The following SIPA1L3 variants were observed in gnomAD, a reference collection of about 807,000 sequenced individuals.
The protein encoded by SIPA1L3 is signal-induced proliferation-associated 1-like protein 3.
In SIPA1L3, 59 loss-of-function variants were observed where a neutral mutation model predicts 150.1. The ratio of observed to expected loss-of-function variants is 0.39; its 90% CI spans 0.32 to 0.49. The LOEUF (loss-of-function observed/expected upper bound fraction) is 0.49, where lower values mean the gene tolerates loss of function less well. Ranked by LOEUF, SIPA1L3 falls within the 20% of genes least tolerant of loss-of-function variation. SIPA1L3 has a pLI of 0.86. For missense variants in SIPA1L3, 2,211 were observed against 2,489.5 expected (o/e 0.89, Z 2.38); for synonymous variants, 1,070 against 1,077.6 (o/e 0.99, Z 0.14).
chr19:38,084,263 G>A (rs995246363), intron 3 of SIPA1L3, among the ~76,000 whole-genome samples: 2 of 152,136 alleles, frequency 1.3e-5, no homozygotes, highest in African/African-American at 4.8e-5. Flanking sequence ...CAGACCTCTT[G>A]TCAAGTCAAC....
intron 14 of SIPA1L3, 52 bp downstream of exon 14, chr19:38,162,423 G>C (rs1438143909): frequency 7.3e-7 from 1 of 1,368,126 alleles, no homozygotes; most frequent in Non-Finnish European, 1.0e-6. Context: ...CTGCCTGGGT[G>C]TGGCCTCTGA....
At chr19:37,938,918 C>T (rs576025477) in intron 1 of SIPA1L3, among the ~76,000 whole-genome samples, 19 of 152,194 alleles carry the variant, frequency 1.2e-4, no homozygotes, top group Admixed American at 5.2e-4. Context: ...CCACAGTGCC[C>T]GGCCACTTTT....
chr19:38,146,103 A>G (rs1045023189), intron 12 of SIPA1L3, among the ~76,000 whole-genome samples: 1 of 152,216 alleles, frequency 6.6e-6, no homozygotes, highest in Non-Finnish European at 1.5e-5. Context: ...GCCTCAAGCC[A>G]TCCTCCCACC....
intron 1 of SIPA1L3, among the ~76,000 whole-genome samples, chr19:37,923,429 A>G (rs1599797196): frequency 6.6e-6 from 1 of 152,362 alleles, no homozygotes; most frequent in East Asian, 1.9e-4. Flanking sequence ...GGGCAGTTGT[A>G]ACACAATGGC....
At chr19:38,142,847 G>A (rs1971623350) in intron 12 of SIPA1L3, 137 bp downstream of exon 12, 1 of 1,104,114 alleles carries the variant, frequency 9.1e-7, no homozygotes, top group Non-Finnish European at 1.3e-6. Flanking sequence ...CCTCAGAGGA[G>A]CCCCATGGGG....
chr19:38,041,273 ATTTTTT>A (rs35807588), intron 2 of SIPA1L3, among the ~76,000 whole-genome samples: 2 of 72,520 alleles, frequency 2.8e-5, no homozygotes, highest in African/African-American at 6.1e-5. Context: ...CGCTCAGCTA[ATTTTTT>A]TTTTTTTTTT....
At chr19:37,980,076 C>A (rs1352293079) in intron 1 of SIPA1L3, among the ~76,000 whole-genome samples, 1 of 152,218 alleles carries the variant, frequency 6.6e-6, no homozygotes, top group Non-Finnish European at 1.5e-5. Context: ...CAGGCCTGCT[C>A]TCACAGGCCT....
chr19:38,171,392 T>TC (rs1972324918), intron 15 of SIPA1L3, among the ~76,000 whole-genome samples: 1 of 146,290 alleles, frequency 6.8e-6, no homozygotes, highest in East Asian at 2.0e-4. Context: ...AAACTTTTTT[T>TC]TTTTTTTTTT....
In SIPA1L3 at chr19:38,018,156, C is replaced by CTTTTTT. The variant is rs34874664; in HGVS notation, c.-378-10912_-378-10907dup. ...TCAGTCTGGATAGCCCTTTGAGTGT[C>CTTTTTT]TTTTTTTTTTTTTTTTTTTTTTTTT... On this transcript the variant is annotated intron_variant, in intron 1 of 21. Coordinates refer to ENST00000222345, the MANE Select transcript of SIPA1L3 (RefSeq NM_015073.3). Among the ~76,000 whole-genome samples, 28 of 61,332 alleles carry CTTTTTT rather than the reference C, an allele frequency of 4.6e-4. 6 individuals are homozygous for CTTTTTT. The highest frequency in any genetic ancestry group is 2.0e-3 in the African/African-American group (27 of 13,676). 40.2% of individuals were successfully genotyped at this position (61,332 alleles called of 152,430 possible).
chr19:38,161,305 C>T lies in SIPA1L3; in HGVS notation c.3662-948C>T, dbSNP rs111351549. ...GCAGTGAGCTGAGATCACACCACTG[C>T]GCTCTAGCCTGGGTGACAGAGCAAG... On this transcript the variant is annotated intron_variant, in intron 13 of 21. Coordinates refer to ENST00000222345, the MANE Select transcript of SIPA1L3 (RefSeq NM_015073.3). 2.4e-4 allele frequency among the ~76,000 whole-genome samples: 35 copies of T among 144,522 alleles called. No individual in the cohort carries two copies. The East Asian group carries it at 3.4e-3, about 14-fold the overall frequency. The allele number at this position is 144,522 out of a possible 152,430, so 94.8% of individuals were successfully genotyped here. A position where few individuals can be genotyped will look rare whatever the true frequency, so the allele number is the denominator to read the frequency against.
intron 18 of SIPA1L3, among the ~76,000 whole-genome samples, chr19:38,197,094 T>A (rs1972974091): frequency 1.3e-5 from 2 of 152,056 alleles, no homozygotes; most frequent in Non-Finnish European, 2.9e-5. Context: ...GGGTCTCAGT[T>A]TTCCTCTTCC....
chr19:38,159,411 C>A (rs1339017029), intron 13 of SIPA1L3, among the ~76,000 whole-genome samples: 1 of 152,206 alleles, frequency 6.6e-6, no homozygotes, highest in Non-Finnish European at 1.5e-5. Context: ...GCAGTGACCT[C>A]CTCCCCCTCA....
intron 1 of SIPA1L3, among the ~76,000 whole-genome samples, chr19:37,954,382 T>C (rs1413881522): frequency 6.6e-6 from 1 of 152,148 alleles, no homozygotes; most frequent in East Asian, 1.9e-4. Flanking sequence ...CACTAAAGGC[T>C]ACTTCCCCGA....
intron 6 of SIPA1L3, 26 bp downstream of exon 6, chr19:38,101,252 A>G (rs1261962129): frequency 3.4e-6 from 5 of 1,478,166 alleles, no homozygotes; most frequent in Non-Finnish European, 4.5e-6. Flanking sequence ...GTTAGATCAC[A>G]GTGAGCCACC....
intron 6 of SIPA1L3, among the ~76,000 whole-genome samples, chr19:38,105,074 G>C (rs1273700198): frequency 1.3e-5 from 2 of 151,908 alleles, no homozygotes; most frequent in Admixed American, 1.3e-4. Flanking sequence ...AACAGATCTG[G>C]AGGCCAGGCA....
At chr19:38,088,324 A>C (rs764696711) in intron 3 of SIPA1L3, among the ~76,000 whole-genome samples, 3 of 152,258 alleles carry the variant, frequency 2.0e-5, no homozygotes, top group African/African-American at 4.8e-5. Flanking sequence ...ATCCGCAGTT[A>C]AACCAAGTGG....
chr19:38,192,323 C>A lies in SIPA1L3; in HGVS notation c.4596+13C>A. On this transcript the variant is annotated intron_variant, in intron 17 of 21. Transcript: ENST00000222345. ...GAGAGACACGGGAGTACGTAGGGCC[C>A]TGTCCCCCGCTCCCGACCCCCAGCT... 1.9e-6 allele frequency: 3 copies of A among 1,576,252 alleles called. No individual in the cohort carries two copies. Among genetic ancestry groups the A allele is most frequent in the Middle Eastern group, 3.5e-4 (2 of 5,638 alleles).
intron 19 of SIPA1L3, among the ~76,000 whole-genome samples, chr19:38,198,956 A>T (rs1207917106): frequency 6.6e-6 from 1 of 151,666 alleles, no homozygotes; most frequent in Non-Finnish European, 1.5e-5. Flanking sequence ...ACAGTGCAAG[A>T]CCCCGTGTCT....
chr19:37,985,372 A>C (rs1048676588), intron 1 of SIPA1L3, among the ~76,000 whole-genome samples: 2 of 151,964 alleles, frequency 1.3e-5, no homozygotes, highest in African/African-American at 4.8e-5. Context: ...TTACGAAGAA[A>C]ATTGTTTTAG....
Sources: gnomAD v4.1 joint callset for allele counts (sites outside exome capture counted in the v4.1 genomes callset) on GRCh38, gnomAD v4.1.1 for gene constraint, MANE v1.5 for transcripts, NCBI Gene and HGNC (gene_info 2026-07-23, HGNC 2026-07-21) for gene names.